Variants in DLG2 observed in about 807,000 individuals in gnomAD.
DLG2 encodes the protein disks large homolog 2.
DLG2 carries 45 observed loss-of-function variants against 132.5 expected under a neutral mutation model. That is an observed-to-expected ratio of 0.34 (90% confidence interval 0.27 to 0.44). DLG2 has a LOEUF of 0.44. DLG2 is among the 20% of genes least tolerant of loss of function. The probability of loss-of-function intolerance (pLI) is 1.00; values close to 1 mark genes in which losing one functional copy is unlikely to be tolerated. For missense variants in DLG2, 1,045 were observed against 1,196.9 expected, an observed-to-expected ratio of 0.87 and a Z score of 1.87; for synonymous variants, 424 against 419.6, an observed-to-expected ratio of 1.01 and a Z score of -0.13.
intron 11 of DLG2, among the ~76,000 whole-genome samples, chr11:83,982,387 G>A (rs746407762): frequency 6.6e-6 from 1 of 151,094 alleles, no homozygotes; most frequent in Admixed American, 6.6e-5. Context: ...AGATGTGAAG[G>A]TAGAAGACAA....
At chr11:84,126,373 A>G (rs2094173399) in intron 9 of DLG2, among the ~76,000 whole-genome samples, 1 of 152,232 alleles carries the variant, frequency 6.6e-6, no homozygotes, top group Non-Finnish European at 1.5e-5. Context: ...AAAAAAATGC[A>G]GAGACATGTC....
intron 7 of DLG2, 128 bp from the exon 8 acceptor site, chr11:84,251,419 G>A: frequency 1.7e-6 from 1 of 591,572 alleles, no homozygotes; most frequent in Non-Finnish European, 2.9e-6. Context: ...ACCGTGTCAA[G>A]TGTTAGTAGG....
At chr11:84,533,955 G>T (rs1334525475) in intron 7 of DLG2, among the ~76,000 whole-genome samples, 1 of 138,290 alleles carries the variant, frequency 7.2e-6, no homozygotes, top group Non-Finnish European at 1.5e-5. Flanking sequence ...AATTTGCACA[G>T]CCAAGGGGCA....
intron 3 of DLG2, among the ~76,000 whole-genome samples, chr11:85,334,261 T>C (rs1449002047): frequency 6.6e-6 from 1 of 152,152 alleles, no homozygotes; most frequent in Non-Finnish European, 1.5e-5. Context: ...TGTATTCCTT[T>C]GGGGTCAGTA....
chr11:84,781,276 T>G (rs1452339736), intron 6 of DLG2, among the ~76,000 whole-genome samples: 1 of 152,114 alleles, frequency 6.6e-6, no homozygotes, highest in Non-Finnish European at 1.5e-5. Flanking sequence ...AGAATATAAT[T>G]TGAAACACAG....
At chr11:84,726,353 G>C (rs1857882773) in intron 6 of DLG2, among the ~76,000 whole-genome samples, 1 of 152,130 alleles carries the variant, frequency 6.6e-6, no homozygotes, top group Non-Finnish European at 1.5e-5. Context: ...TTATGAGTGA[G>C]AACATGCGGT....
intron 7 of DLG2, among the ~76,000 whole-genome samples, chr11:84,305,858 T>C (rs899402759): frequency 6.6e-6 from 1 of 152,164 alleles, no homozygotes; most frequent in Non-Finnish European, 1.5e-5. Flanking sequence ...TTTTATTATC[T>C]GACTTGATGA....
At chr11:83,524,795 A>C (rs991077676) in intron 21 of DLG2, among the ~76,000 whole-genome samples, 3 of 152,152 alleles carry the variant, frequency 2.0e-5, no homozygotes, top group African/African-American at 7.2e-5. Context: ...TTCTGCCAAC[A>C]ACACTCTTTT....
chr11:84,836,164 GGT>G (rs1403443507), intron 6 of DLG2, among the ~76,000 whole-genome samples: 1 of 151,582 alleles, frequency 6.6e-6, no homozygotes, highest in Non-Finnish European at 1.5e-5. Context: ...TAAGAGAATT[GGT>G]AATTAATTGT....
chr11:83,873,811 C>T (rs1470977014), intron 16 of DLG2, among the ~76,000 whole-genome samples: 1 of 152,110 alleles, frequency 6.6e-6, no homozygotes, highest in African/African-American at 2.4e-5. Flanking sequence ...TACATCTTTT[C>T]AGGAACCAAC....
intron 7 of DLG2, among the ~76,000 whole-genome samples, chr11:84,360,552 T>C (rs2098643706): frequency 1.3e-5 from 2 of 152,010 alleles, no homozygotes; most frequent in Non-Finnish European, 2.9e-5. Flanking sequence ...TTGCCCCAGC[T>C]TACTGCCTGG....
At chr11:84,318,066 C>T (rs1283084023) in intron 7 of DLG2, among the ~76,000 whole-genome samples, 1 of 152,180 alleles carries the variant, frequency 6.6e-6, no homozygotes, top group Non-Finnish European at 1.5e-5. Flanking sequence ...CAAATACATT[C>T]ACCACAAATA....
At chr11:84,046,285 G>A (rs1252958775) in intron 11 of DLG2, among the ~76,000 whole-genome samples, 1 of 151,564 alleles carries the variant, frequency 6.6e-6, no homozygotes, top group African/African-American at 2.4e-5. Context: ...TAAACGTAAT[G>A]AGTGAAAATA....
intron 17 of DLG2, among the ~76,000 whole-genome samples, chr11:83,788,313 C>T (rs1444704856): frequency 6.6e-6 from 1 of 152,106 alleles, no homozygotes; most frequent in African/African-American, 2.4e-5. Context: ...TGTAATTTTC[C>T]TTGCCTCATC....
chr11:85,226,140 T>C (rs944320731), intron 4 of DLG2, among the ~76,000 whole-genome samples: 7 of 150,702 alleles, frequency 4.6e-5, no homozygotes, highest in Non-Finnish European at 1.0e-4. Flanking sequence ...ATTAACAATA[T>C]ATGTGTTATA....
At chr11:85,375,005 A>G (rs1200918384) in intron 3 of DLG2, among the ~76,000 whole-genome samples, 1 of 152,100 alleles carries the variant, frequency 6.6e-6, no homozygotes, top group Non-Finnish European at 1.5e-5. Context: ...GTTTAGTACC[A>G]GTTAGCAAAT....
chr11:84,782,161 T>C (rs897523597), intron 6 of DLG2, among the ~76,000 whole-genome samples: 2 of 151,982 alleles, frequency 1.3e-5, no homozygotes, highest in Non-Finnish European at 2.9e-5. Flanking sequence ...TTTACTCCCA[T>C]TATAAAGACA....
chr11:83,732,029 T>C (rs1376780097), intron 18 of DLG2, among the ~76,000 whole-genome samples: 1 of 152,164 alleles, frequency 6.6e-6, no homozygotes, highest in Non-Finnish European at 1.5e-5. Flanking sequence ...TATTCATAAT[T>C]ATTATTACTA....
intron 25 of DLG2, 136 bp from the exon 26 acceptor site, chr11:83,466,953 A>G (rs1360824923): frequency 3.3e-6 from 2 of 600,328 alleles, no homozygotes; most frequent in Non-Finnish European, 3.0e-6. Context: ...AGATCACTGC[A>G]AAGAGTAAAT....
Sources: allele counts gnomAD v4.1 joint callset (sites outside exome capture counted in the v4.1 genomes callset), GRCh38; gene constraint gnomAD v4.1.1; transcripts MANE v1.5; gene names NCBI Gene and HGNC (gene_info 2026-07-23, HGNC 2026-07-21).